EYS: variants seen among roughly 807,000 people sequenced by gnomAD.
The protein encoded by EYS is EGF-like photoreceptor maintenance factor, also known as protein eyes shut homolog.
A neutral mutation model predicts 282.1 loss-of-function variants in EYS; 250 were observed. That is an observed-to-expected ratio of 0.89 (90% CI 0.80 to 0.98). The LOEUF is 0.98. Ranked by LOEUF, EYS falls within the 50% of genes least tolerant of loss-of-function variation. The pLI is 0.00. For missense variants in EYS, 4,016 were observed against 3,709.0 expected (o/e 1.08, Z -2.15); for synonymous variants, 1,355 against 1,282.9 (o/e 1.06, Z -1.20).
intron 34 of EYS, among the ~76,000 whole-genome samples, chr6:63,997,880 A>AT (rs1158192194): frequency 1.3e-5 from 2 of 152,218 alleles, no homozygotes; most frequent in South Asian, 4.1e-4. Context: ...ATGGGCAACT[A>AT]TAAGGAGTTA....
At chr6:64,291,334 C>T (rs1379230946) in intron 30 of EYS, among the ~76,000 whole-genome samples, 3 of 151,836 alleles carry the variant, frequency 2.0e-5, no homozygotes, top group Non-Finnish European at 2.9e-5. Flanking sequence ...AATATGTAAC[C>T]TCAAATAGTA....
At chr6:65,245,495 T>C (rs1222985932) in intron 12 of EYS, among the ~76,000 whole-genome samples, 1 of 152,114 alleles carries the variant, frequency 6.6e-6, no homozygotes. Context: ...ACAAAGATCA[T>C]ACAATAGCTC....
chr6:64,635,518 A>C (rs902733323), intron 22 of EYS, among the ~76,000 whole-genome samples: 21 of 152,140 alleles, frequency 1.4e-4, no homozygotes, highest in African/African-American at 3.9e-4. Context: ...ATTTATTGAG[A>C]GTTTTTAGCA....
intron 29 of EYS, among the ~76,000 whole-genome samples, chr6:64,311,979 G>GTTTTTTTT (rs61332669): frequency 3.9e-4 from 55 of 139,946 alleles, no homozygotes; most frequent in African/African-American, 8.4e-4. Flanking sequence ...GCTGCAGAAG[G>GTTTTTTTT]TTTTTTTTTT....
intron 13 of EYS, among the ~76,000 whole-genome samples, chr6:65,006,831 A>C (rs1771681526): frequency 6.6e-6 from 1 of 152,218 alleles, no homozygotes; most frequent in Non-Finnish European, 1.5e-5. Flanking sequence ...TCAAAGGTGC[A>C]AACTGTTTGC....
At chr6:64,509,468 C>T (rs1024520146) in intron 26 of EYS, among the ~76,000 whole-genome samples, 2 of 152,104 alleles carry the variant, frequency 1.3e-5, no homozygotes, top group Admixed American at 6.6e-5. Flanking sequence ...TGTAATTGTC[C>T]TTAGTTCTTC....
chr6:63,764,812 AT>A (rs1769743702), intron 40 of EYS, among the ~76,000 whole-genome samples: 1 of 151,958 alleles, frequency 6.6e-6, no homozygotes, highest in East Asian at 1.9e-4. Context: ...GTCTGAAACA[AT>A]TAGCTATATG....
At chr6:65,407,226 C>T (rs1766785787) in intron 5 of EYS, among the ~76,000 whole-genome samples, 1 of 151,956 alleles carries the variant, frequency 6.6e-6, no homozygotes. Flanking sequence ...ACTAGACTTG[C>T]TTTCTTAATT....
rs530004392 is a variant in EYS, at chr6:64,108,507, C to CTTT, written c.6425-26508_6425-26506dup. ...ACTGGAAATCAGAAGTCCACTACTG[C>CTTT]TTTTTTTTTTTTTTTTTTTTGAGAA... On this transcript the variant is annotated intron_variant, in intron 31 of 42. Coordinates refer to ENST00000503581, the MANE Select transcript of EYS (RefSeq NM_001142800.2). Among the ~76,000 whole-genome samples the CTTT allele has an allele frequency of 4.1e-4, 48 of 116,838 alleles. 1 individual carries two copies. Among genetic ancestry groups the CTTT allele is most frequent in the African/African-American group, 1.4e-3 (44 of 30,914 alleles). The allele number at this position is 116,838 out of a possible 152,430, so 76.7% of individuals were successfully genotyped here. A position where few individuals can be genotyped will look rare whatever the true frequency, so the allele number is the denominator to read the frequency against.
chr6:64,797,906 AC>A (rs1214119718), intron 22 of EYS, among the ~76,000 whole-genome samples: 2 of 151,878 alleles, frequency 1.3e-5, no homozygotes, highest in Admixed American at 1.3e-4. Flanking sequence ...CTTCCTCAAT[AC>A]CCATGAAACA....
intron 26 of EYS, among the ~76,000 whole-genome samples, chr6:64,447,220 A>G (rs1452580355): frequency 6.6e-6 from 1 of 152,046 alleles, no homozygotes; most frequent in Non-Finnish European, 1.5e-5. Context: ...TTATTTCTCT[A>G]AAGAAGAGCT....
intron 26 of EYS, among the ~76,000 whole-genome samples, chr6:64,467,351 T>C (rs1446259222): frequency 1.3e-5 from 2 of 152,184 alleles, no homozygotes; most frequent in Non-Finnish European, 2.9e-5. Context: ...GTGATAGCAT[T>C]TGAAAAACTG....
chr6:65,513,700 T>C (rs1382144646), intron 2 of EYS, among the ~76,000 whole-genome samples: 2 of 152,068 alleles, frequency 1.3e-5, no homozygotes, highest in Non-Finnish European at 2.9e-5. Flanking sequence ...CACATGATTA[T>C]CTCAATAGAT....
chr6:65,493,274 G>C (rs1766115923), intron 4 of EYS, among the ~76,000 whole-genome samples: 1 of 152,102 alleles, frequency 6.6e-6, no homozygotes, highest in Non-Finnish European at 1.5e-5. Flanking sequence ...GTCAGCCTCA[G>C]GCACAGGGGA....
intron 22 of EYS, among the ~76,000 whole-genome samples, chr6:64,793,006 T>G (rs1387018375): frequency 1.3e-5 from 2 of 152,096 alleles, no homozygotes; most frequent in African/African-American, 4.8e-5. Context: ...ATAATTTTTA[T>G]GCATATTTCA....
At chr6:65,626,387 TA>T (rs1766692627) in intron 2 of EYS, among the ~76,000 whole-genome samples, 1 of 152,184 alleles carries the variant, frequency 6.6e-6, no homozygotes, top group Admixed American at 6.5e-5. Flanking sequence ...TTGTTGTTGT[TA>T]TCTTCTATAT....
chr6:65,048,013 G>A (rs1274041540), intron 13 of EYS, among the ~76,000 whole-genome samples: 2 of 151,866 alleles, frequency 1.3e-5, no homozygotes, highest in Middle Eastern at 3.4e-3. Context: ...TTCATATTGG[G>A]GCTCCCATTT....
At chr6:64,154,721 T>C (rs1774858708) in intron 31 of EYS, among the ~76,000 whole-genome samples, 2 of 152,032 alleles carry the variant, frequency 1.3e-5, no homozygotes, top group African/African-American at 4.8e-5. Context: ...ATTTTAAAAA[T>C]TGTTGTCTTT....
intron 12 of EYS, among the ~76,000 whole-genome samples, chr6:65,224,248 A>G (rs1480724529): frequency 6.6e-6 from 1 of 152,234 alleles, no homozygotes; most frequent in African/African-American, 2.4e-5. Flanking sequence ...AAGTATAGAT[A>G]AAAGGAACAA....
Sources: gnomAD v4.1 joint callset for allele counts (sites outside exome capture counted in the v4.1 genomes callset) on GRCh38, gnomAD v4.1.1 for gene constraint, MANE v1.5 for transcripts, NCBI Gene and HGNC (gene_info 2026-07-23, HGNC 2026-07-21) for gene names.